HACL1: variants seen among roughly 807,000 people sequenced by gnomAD.
HACL1 encodes the protein 2-hydroxyacyl-CoA lyase 1, also known as 1600020H07Rik.
In HACL1, 64 loss-of-function variants were observed where a neutral mutation model predicts 74.2. The ratio of observed to expected loss-of-function variants is 0.86; its 90% CI spans 0.70 to 1.06. The LOEUF (loss-of-function observed/expected upper bound fraction) is 1.06. Among genes scored for constraint, HACL1 ranks in the 50% least tolerant of loss-of-function variants. HACL1 has a pLI of 0.00. For synonymous variants in HACL1, 230 were observed against 238.8 expected (o/e 0.96, Z 0.34); for missense variants, 728 against 719.7 (o/e 1.01, Z -0.13).
Position 15,564,534 on chromosome 3 carries a change from T to C in HACL1, c.1517+17A>G, listed in dbSNP as rs764062741. ...CGGGAAAGAGAAAGTAAACAGACAT[T>C]GGTCTTGGTTACTTACACTGCAGTA... is the stretch of plus-strand genomic sequence containing the variant. On this transcript the variant is annotated intron_variant, in intron 15 of 16. Coordinates refer to ENST00000321169, the MANE Select transcript of HACL1 (RefSeq NM_012260.4). 9.8e-7 allele frequency: 1 copy of C among 1,023,512 alleles called. No individual in the cohort carries two copies. The highest frequency in any genetic ancestry group is 1.3e-5 in the South Asian group (1 of 74,234). 63.4% of individuals were successfully genotyped at this position (1,023,512 alleles called of 1,614,324 possible). A position where few individuals can be genotyped will look rare whatever the true frequency, so the allele number is the denominator to read the frequency against.
chr3:15,560,704 C>G lies in HACL1; in HGVS notation c.*161G>C. 1 of 639,528 alleles carries G rather than the reference C, an allele frequency of 1.6e-6. No homozygotes were observed. The highest frequency in any genetic ancestry group is 2.8e-6 in the Non-Finnish European group (1 of 355,684). The allele number at this position is 639,528 out of a possible 1,614,324, so 39.6% of individuals were successfully genotyped here. ...AGAATAACTTTTTCTGTTACTTTTT[C>G]TAACTTTTTCTGTTTTTAATCAATT... On this transcript the variant is annotated 3_prime_UTR_variant, in exon 17 of 17. Transcript: ENST00000321169.
At chr3:15,570,145 G>A (rs1314341090) in intron 12 of HACL1, among the ~76,000 whole-genome samples, 5 of 152,028 alleles carry the variant, frequency 3.3e-5, no homozygotes, top group Non-Finnish European at 7.4e-5. Context: ...GACCATCCTG[G>A]CCAACATGGT....
intron 5 of HACL1, among the ~76,000 whole-genome samples, chr3:15,588,306 T>C (rs2063827213): frequency 6.6e-6 from 1 of 152,148 alleles, no homozygotes; most frequent in Non-Finnish European, 1.5e-5. Context: ...AAAGACACGG[T>C]ATCTTGGATG....
At chr3:15,584,650 T>C (rs1036708081) in intron 7 of HACL1, among the ~76,000 whole-genome samples, 1 of 152,142 alleles carries the variant, frequency 6.6e-6, no homozygotes, top group African/African-American at 2.4e-5. Flanking sequence ...TGACTCTCTG[T>C]AGTCACTAGA....
At chr3:15,561,765 C>A (rs1305053402) in intron 16 of HACL1, among the ~76,000 whole-genome samples, 2 of 152,186 alleles carry the variant, frequency 1.3e-5, no homozygotes, top group Non-Finnish European at 2.9e-5. Flanking sequence ...ACTGCAACCT[C>A]CACCTCCTGG....
At chr3:15,600,493 T>C (rs2064185527) in intron 2 of HACL1, among the ~76,000 whole-genome samples, 1 of 152,220 alleles carries the variant, frequency 6.6e-6, no homozygotes, top group Admixed American at 6.5e-5. Flanking sequence ...TGCTTCCAAA[T>C]AAGCCTCTAA....
At position 15,575,082 on chromosome 3, in the gene HACL1, C is replaced by T. The variant is rs774077543; in HGVS notation, c.804G>A (p.Arg268=). Residue 268 remains arginine (R), a splice_region_variant and synonymous_variant, in exon 10 of 17, where the codon AGG becomes AGA. Coordinates refer to ENST00000321169, the MANE Select transcript of HACL1 (RefSeq NM_012260.4). ...CAATTACATCAGCAAATTGCAAAGC[C>T]CTATTAAAAAAATTGATATGAAAGT... ...HPYCVGAARS[R]ALQFADVIVL... is the part of the protein sequence containing the mutation. 6.7e-7 allele frequency: 1 copy of T among 1,490,342 alleles called. No homozygotes were observed. Among genetic ancestry groups the T allele is most frequent in the Non-Finnish European group, 9.3e-7 (1 of 1,072,606 alleles). The allele number at this position is 1,490,342 out of a possible 1,614,324, so 92.3% of individuals were successfully genotyped here.
intron 12 of HACL1, among the ~76,000 whole-genome samples, chr3:15,570,919 C>G (rs1448847640): frequency 6.7e-6 from 1 of 149,784 alleles, no homozygotes; most frequent in African/African-American, 2.5e-5. Context: ...ATCTTAAAAG[C>G]AGAAAAACAT....
In HACL1 at chr3:15,601,531, G is replaced by T. The variant is rs772168842; in HGVS notation, c.-68C>A. On this transcript the variant is annotated 5_prime_UTR_variant, in exon 1 of 17. Transcript: ENST00000321169. ...AGCGGAATCATCCAGCAAGGCAAAC[G>T]CGAAATCGGCAGCACGCCACCTCTG... The T allele has an allele frequency of 1.9e-6, 3 of 1,607,846 alleles. No individual in the cohort carries two copies. The highest frequency in any genetic ancestry group is 3.3e-5 in the Admixed American group (2 of 59,964).
chr3:15,567,890 C>T lies in HACL1; in HGVS notation c.1363G>A (p.Asp455Asn), dbSNP rs1162384938. 1 of 1,614,132 alleles carries T rather than the reference C, an allele frequency of 6.2e-7. No homozygotes were observed. Among genetic ancestry groups the T allele is most frequent in the African/African-American group, 1.3e-5 (1 of 75,058 alleles). ...ATGCCAGAAAACCCAAATGCACTGT[C>T]TCCTTCCACACAGATGATCCATTGC... Reference protein sequence around the residue: ...PGQWIICVEGDSAFGFSGMEV... With the variant: ...PGQWIICVEGNSAFGFSGMEV... Residue 455 changes from aspartate to asparagine, a missense_variant, in exon 14 of 17, where the codon GAC becomes AAC. Coordinates refer to ENST00000321169, the MANE Select transcript of HACL1 (RefSeq NM_012260.4).
At chr3:15,563,569 T>C (rs769180870) in intron 15 of HACL1, 25 bp from the exon 16 acceptor site, 2 of 1,473,060 alleles carry the variant, frequency 1.4e-6, no homozygotes, top group Admixed American at 1.9e-5. Flanking sequence ...CATGAGTCAA[T>C]GAAATTTAAA....
chr3:15,593,195 A>G (rs1221621342), intron 3 of HACL1, among the ~76,000 whole-genome samples: 1 of 148,228 alleles, frequency 6.7e-6, no homozygotes, highest in East Asian at 2.0e-4. Context: ...ACACATATAT[A>G]TGTGCGTGTG....
intron 11 of HACL1, among the ~76,000 whole-genome samples, 182 bp downstream of exon 11, chr3:15,572,977 G>A (rs896873771): frequency 1.3e-5 from 2 of 152,236 alleles, no homozygotes; most frequent in Admixed American, 6.5e-5. Flanking sequence ...AATGAGCTAT[G>A]TACCAGAAGT....
intron 14 of HACL1, among the ~76,000 whole-genome samples, chr3:15,565,706 C>A (rs1224538314): frequency 2.6e-5 from 4 of 152,150 alleles, no homozygotes; most frequent in Admixed American, 6.5e-5. Flanking sequence ...CACTAAAAGG[C>A]TAACTTCCCC....
At chr3:15,566,701 A>G (rs1275956480) in intron 14 of HACL1, among the ~76,000 whole-genome samples, 2 of 149,446 alleles carry the variant, frequency 1.3e-5, no homozygotes, top group African/African-American at 5.0e-5. Context: ...TTTCATAATC[A>G]TCTTTCTAAG....
Position 15,574,996 on chromosome 3 carries a change from G to C in HACL1, c.890C>G (p.Pro297Arg). Residue 297 changes from proline (P) to arginine (R), a missense_variant, in exon 10 of 17, where the codon CCA (proline) becomes CGA (arginine). Physicochemically the swap from Pro to Arg is moderately radical, Grantham distance 103 (BLOSUM62 -2). Transcript: ENST00000321169. Reference sequence around the variant, plus strand: ...AAGTACCTGGATAAACTTCACATCTGGCTGATATCTTGGAGGCAGTCCAAA... The same window carrying C: ...AAGTACCTGGATAAACTTCACATCTCGCTGATATCTTGGAGGCAGTCCAAA... ...LHFGLPPRYQ[P>R]DVKFIQVDIC... 6.5e-7 allele frequency: 1 copy of C among 1,536,590 alleles called. No homozygotes were observed. Among genetic ancestry groups the C allele is most frequent in the Non-Finnish European group, 9.0e-7 (1 of 1,111,476 alleles).
intron 9 of HACL1, among the ~76,000 whole-genome samples, chr3:15,578,198 C>T (rs574125005): frequency 6.6e-6 from 1 of 151,568 alleles, no homozygotes; most frequent in African/African-American, 2.4e-5. Context: ...CAAATGAAAC[C>T]TTTTTTTACT....
Position 15,592,526 on chromosome 3 carries a change from A to ACG in HACL1, c.228-847_228-846insCG, listed in dbSNP as rs2063956192. Among the ~76,000 whole-genome samples, 7 of 145,600 alleles carry ACG rather than the reference A, an allele frequency of 4.8e-5. No homozygotes were observed. In the South Asian group the frequency reaches 1.3e-3, roughly 27 times the overall value. Reference sequence around the variant, plus strand: ...CTTGTATATACACTTGTATACATATACACATGTATACACATGTACGCACAT... The same window carrying ACG: ...CTTGTATATACACTTGTATACATATACGCACATGTATACACATGTACGCACAT... On this transcript the variant is annotated intron_variant, in intron 3 of 16. Coordinates refer to ENST00000321169, the MANE Select transcript of HACL1 (RefSeq NM_012260.4).
chr3:15,566,564 C>A (rs2063436880), intron 14 of HACL1, among the ~76,000 whole-genome samples: 1 of 152,022 alleles, frequency 6.6e-6, no homozygotes, highest in Non-Finnish European at 1.5e-5. Flanking sequence ...GCTAAGGAGG[C>A]AGGATCCGTT....
Sources: gnomAD v4.1 joint callset for allele counts (sites outside exome capture counted in the v4.1 genomes callset) on GRCh38, gnomAD v4.1.1 for gene constraint, MANE v1.5 for transcripts, NCBI Gene and HGNC (gene_info 2026-07-23, HGNC 2026-07-21) for gene names.